Variants in CIT observed in about 807,000 individuals in gnomAD.
CIT encodes the protein citron Rho-interacting kinase.
CIT carries 79 observed loss-of-function variants against 272.7 expected under a neutral mutation model. That is an observed-to-expected ratio of 0.29 (90% CI 0.24 to 0.35). CIT has a LOEUF of 0.35. Ranked by LOEUF, CIT falls within the 10% of genes least tolerant of loss-of-function variation. The pLI is 1.00. For synonymous variants in CIT, 948 were observed against 995.6 expected (o/e 0.95, Z 0.90); for missense variants, 1,909 against 2,618.3 (o/e 0.73, Z 5.91).
At position 119,803,476 on chromosome 12, in the gene CIT, CCTT is replaced by C. The variant is rs1966383138; in HGVS notation, c.1112-90_1112-88del. The stretch of plus-strand genomic sequence containing the variant: ...CTGTTGCGGAGAAGATCGTCTTACT[CCTT>C]CGGCGCTGGCGATGGCACTGCAGCG... On this transcript the variant is annotated intron_variant, in intron 9 of 47. Coordinates refer to ENST00000392521, the MANE Select transcript of CIT (RefSeq NM_001206999.2). 4.0e-6 allele frequency: 4 copies of C among 994,138 alleles called. No individual in the cohort carries two copies. The Middle Eastern group carries it at 1.0e-3, about 261-fold the overall frequency. The allele number at this position is 994,138 out of a possible 1,614,324, so 61.6% of individuals were successfully genotyped here. A position where few individuals can be genotyped will look rare whatever the true frequency, so the allele number is the denominator to read the frequency against.
chr12:119,777,809 A>T (rs1420642595), intron 13 of CIT, among the ~76,000 whole-genome samples: 4 of 152,166 alleles, frequency 2.6e-5, no homozygotes, highest in Non-Finnish European at 5.9e-5. Context: ...GCCAAAAGGG[A>T]TGTTCTTTAA....
At chr12:119,715,145 C>T (rs1957389532) in intron 32 of CIT, among the ~76,000 whole-genome samples, 1 of 152,210 alleles carries the variant, frequency 6.6e-6, no homozygotes, top group South Asian at 2.1e-4. Flanking sequence ...TCTTTTGTCA[C>T]CGCCACATGA....
In CIT at chr12:119,713,146, C is replaced by T; in HGVS notation, c.4579+57G>A. On this transcript the variant is annotated intron_variant, in intron 35 of 47. Coordinates refer to ENST00000392521, the MANE Select transcript of CIT (RefSeq NM_001206999.2). The surrounding 1 kb of genome is among the most constrained non-coding windows in gnomAD (Gnocchi z 5.2). ...AAAAAACAAAGCCTTCGCGCCAGCA[C>T]TGGGGAGACCTGGGTTAGCCACGTG... The T allele has an allele frequency of 2.2e-6, 3 of 1,339,792 alleles. 1 individual carries two copies. The South Asian group carries it at 3.7e-5, about 16-fold the overall frequency. The allele number at this position is 1,339,792 out of a possible 1,614,324, so 83.0% of individuals were successfully genotyped here.
intron 28 of CIT, among the ~76,000 whole-genome samples, chr12:119,723,168 C>G (rs1041294448): frequency 6.6e-6 from 1 of 151,960 alleles, no homozygotes; most frequent in Admixed American, 6.5e-5. Flanking sequence ...AGGAAAGAAA[C>G]AGCTAAGATA....
In CIT at chr12:119,761,107, G is replaced by A. The variant is rs771387718; in HGVS notation, c.2305-52C>T. 57 of 1,296,372 alleles carry A rather than the reference G, an allele frequency of 4.4e-5. No individual in the cohort carries two copies. The South Asian group carries it at 6.3e-4, about 14-fold the overall frequency. The allele number at this position is 1,296,372 out of a possible 1,614,324, so 80.3% of individuals were successfully genotyped here. On this transcript the variant is annotated intron_variant, in intron 19 of 47. Transcript: ENST00000392521. ...GTTCTCAGGAGCCAAGCTGAGGAGG[G>A]AAGACTAAACGGGGACACTTGAGAA...
chr12:119,876,790 A>G (rs1321247864), intron 1 of CIT, among the ~76,000 whole-genome samples: 2 of 152,176 alleles, frequency 1.3e-5, no homozygotes, highest in Non-Finnish European at 2.9e-5. Flanking sequence ...TGGCCTCTCC[A>G]GCAACAGCGA....
chr12:119,715,849 G>C (rs973388846), intron 32 of CIT, among the ~76,000 whole-genome samples: 4 of 152,110 alleles, frequency 2.6e-5, no homozygotes, highest in Non-Finnish European at 5.9e-5. Context: ...ACATGTTACT[G>C]GTAGGAGATT....
At chr12:119,794,249 C>T (rs1965543583) in intron 10 of CIT, among the ~76,000 whole-genome samples, 1 of 151,786 alleles carries the variant, frequency 6.6e-6, no homozygotes, top group Non-Finnish European at 1.5e-5. Flanking sequence ...GCCTTAAGGA[C>T]TAGAACAATA....
chr12:119,797,039 G>T (rs1965787644), intron 10 of CIT, among the ~76,000 whole-genome samples: 1 of 152,204 alleles, frequency 6.6e-6, no homozygotes, highest in South Asian at 2.1e-4. Context: ...TCGGAGAGAG[G>T]TCAGGAGATG....
chr12:119,776,627 T>C (rs766531828), intron 14 of CIT, 45 bp downstream of exon 14: 3 of 1,564,740 alleles, frequency 1.9e-6, no homozygotes, highest in Non-Finnish European at 2.6e-6. Context: ...TAAGATCATG[T>C]ACAATTTTAC....
intron 10 of CIT, among the ~76,000 whole-genome samples, chr12:119,794,849 G>A (rs1028206752): frequency 1.3e-5 from 2 of 152,174 alleles, no homozygotes; most frequent in African/African-American, 2.4e-5. Flanking sequence ...TCTACTCATG[G>A]CACCAACACT....
At chr12:119,740,835 A>G (rs1427947055) in intron 24 of CIT, among the ~76,000 whole-genome samples, 1 of 152,156 alleles carries the variant, frequency 6.6e-6, no homozygotes, top group Non-Finnish European at 1.5e-5. Flanking sequence ...CCAACTCCTC[A>G]AGGAAGGGAG....
intron 28 of CIT, among the ~76,000 whole-genome samples, chr12:119,722,413 C>T (rs1957849406): frequency 6.6e-6 from 1 of 152,194 alleles, no homozygotes; most frequent in African/African-American, 2.4e-5. Flanking sequence ...AGCCCCCAAA[C>T]TCCTCCATCC....
intron 2 of CIT, among the ~76,000 whole-genome samples, chr12:119,871,047 A>G (rs894920544): frequency 6.6e-6 from 1 of 150,786 alleles, no homozygotes; most frequent in Non-Finnish European, 1.5e-5. Context: ...TGAACCCAGG[A>G]GGCGGAGGTT....
At chr12:119,751,821 G>A (rs146112482) in intron 23 of CIT, among the ~76,000 whole-genome samples, 4 of 152,198 alleles carry the variant, frequency 2.6e-5, no homozygotes, top group African/African-American at 9.6e-5. Flanking sequence ...AGTAAAGGAG[G>A]AACTATTCAA....
At position 119,710,807 on chromosome 12, in the gene CIT, A is replaced by G; in HGVS notation, c.4855-187T>C. On this transcript the variant is annotated intron_variant, in intron 37 of 47. Transcript: ENST00000392521. The surrounding 1 kb of genome is among the most constrained non-coding windows in gnomAD (Gnocchi z 5.6). The stretch of plus-strand genomic sequence containing the variant: ...GCTCCAAATGCAAAATGCGAGTGCT[A>G]TTGGTATCTCTGGGGCAGCTGTTAA... 1 of 672,834 alleles carries G rather than the reference A, an allele frequency of 1.5e-6. No homozygotes were observed. The highest frequency in any genetic ancestry group is 2.6e-5 in the Admixed American group (1 of 38,030). The allele number at this position is 672,834 out of a possible 1,614,324, so 41.7% of individuals were successfully genotyped here.
Position 119,688,272 on chromosome 12 carries a change from G to GAGA in CIT, c.6187-18_6187-17insTCT, listed in dbSNP as rs766931367. On this transcript the variant is annotated splice_polypyrimidine_tract_variant and intron_variant, in intron 47 of 47. Transcript: ENST00000392521. ...GTCCCAGACCTAGGAGTGAAATAAG[G>GAGA]AGGAGTGTTAGCCATCCGAGGCCAG... The GAGA allele has an allele frequency of 1.1e-5, 18 of 1,613,442 alleles. No individual in the cohort carries two copies. The South Asian group carries it at 2.0e-4, about 18-fold the overall frequency.
At chr12:119,719,321 G>C (rs1014176209) in intron 30 of CIT, among the ~76,000 whole-genome samples, 1 of 150,778 alleles carries the variant, frequency 6.6e-6, no homozygotes, top group Non-Finnish European at 1.5e-5. Flanking sequence ...GCTAAAATGA[G>C]GTCAAAACAA....
intron 23 of CIT, among the ~76,000 whole-genome samples, chr12:119,749,744 T>C (rs1959958023): frequency 6.6e-6 from 1 of 152,118 alleles, no homozygotes; most frequent in Non-Finnish European, 1.5e-5. Flanking sequence ...TTTAAGAAGA[T>C]GCTTTGAGGC....
Sources: allele counts gnomAD v4.1 joint callset (sites outside exome capture counted in the v4.1 genomes callset), GRCh38; gene constraint gnomAD v4.1.1; non-coding constraint Gnocchi (gnomAD v3.1); transcripts MANE v1.5; gene names NCBI Gene and HGNC (gene_info 2026-07-23, HGNC 2026-07-21).